Variants in LGSN observed in about 807,000 individuals in gnomAD.
The protein encoded by LGSN is lengsin, lens protein with glutamine synthetase domain.
Under a neutral mutation model 19.5 loss-of-function variants are expected in LGSN, and 21 were observed. The ratio of observed to expected loss-of-function variants is 1.07; its 90% CI spans 0.76 to 1.55. The LOEUF (loss-of-function observed/expected upper bound fraction) is 1.55, where lower values mean the gene tolerates loss of function less well. Among genes scored for constraint, LGSN ranks in the 40% most tolerant of loss-of-function variants. The pLI is 0.00. For synonymous variants in LGSN, 257 were observed against 215.6 expected, an observed-to-expected ratio of 1.19 and a Z score of -1.68; for missense variants, 673 against 608.5, an observed-to-expected ratio of 1.11 and a Z score of -1.12.
chr6:63,572,245 C>T, the LGSN span: 109 of 171,668 alleles, frequency 6.3e-4, no homozygotes, highest in African/African-American at 2.0e-3. Context: ...CTTCCTGCAT[C>T]CCGGAGCACT....
the LGSN span, among the ~76,000 whole-genome samples, chr6:63,504,206 G>A: frequency 4.2e-3 from 629 of 150,618 alleles, 4 homozygotes; most frequent in African/African-American, 0.015. Context: ...TGGCGATCTC[G>A]GCTCACTGAA....
At position 63,295,110 on chromosome 6, in the gene LGSN, G is replaced by A. The variant is rs182687196; in HGVS notation, c.31-65C>T. 5.5e-4 allele frequency: 819 copies of A among 1,476,918 alleles called. 9 individuals are homozygous for A. In the African/African-American group the frequency reaches 9.0e-3, roughly 16 times the overall value. The allele number at this position is 1,476,918 out of a possible 1,614,324, so 91.5% of individuals were successfully genotyped here. A position where few individuals can be genotyped will look rare whatever the true frequency, so the allele number is the denominator to read the frequency against. ...ATTCAAACAATGATATTTGGATGTC[G>A]AAAGAGTATATTTGAATAGCTCAAT... On this transcript the variant is annotated intron_variant, in intron 1 of 3. Transcript: ENST00000370657.
the LGSN span, chr6:63,550,543 C>T: frequency 1.3e-5 from 2 of 152,136 alleles, no homozygotes; most frequent in African/African-American, 2.4e-5. Context: ...AAGAGCTCCT[C>T]GAGCCTTGGT....
At chr6:63,490,164 G>C in the LGSN span, among the ~76,000 whole-genome samples, 3 of 152,314 alleles carry the variant, frequency 2.0e-5, no homozygotes, top group South Asian at 6.2e-4. Context: ...TTGGTTTGAA[G>C]TCTTTACACT....
intron 1 of LGSN, among the ~76,000 whole-genome samples, chr6:63,316,075 G>A (rs1241752372): frequency 6.6e-6 from 1 of 152,030 alleles, no homozygotes; most frequent in African/African-American, 2.4e-5. Context: ...ACATTTGTGG[G>A]GAGATTAGCC....
chr6:63,498,949 T>C, the LGSN span, among the ~76,000 whole-genome samples: 2 of 152,144 alleles, frequency 1.3e-5, no homozygotes, highest in Admixed American at 1.3e-4. Context: ...TATTAATGTA[T>C]TATTAGCACC....
intron 1 of LGSN, among the ~76,000 whole-genome samples, chr6:63,304,341 T>A (rs1003324731): frequency 2.0e-5 from 3 of 152,228 alleles, no homozygotes; most frequent in Admixed American, 6.5e-5. Flanking sequence ...TAGAAATGTA[T>A]CCCTTACAGT....
chr6:63,509,299 A>T, the LGSN span, among the ~76,000 whole-genome samples: 1 of 152,056 alleles, frequency 6.6e-6, no homozygotes, highest in African/African-American at 2.4e-5. Flanking sequence ...TCCTGACCTC[A>T]GGTGATCCGC....
chr6:63,530,066 G>A, the LGSN span, among the ~76,000 whole-genome samples: 156 of 152,114 alleles, frequency 1.0e-3, no homozygotes, highest in Non-Finnish European at 1.7e-3. Flanking sequence ...TCGAGATAGG[G>A]CAAGGATAAT....
chr6:63,409,171 C>T, the LGSN span, among the ~76,000 whole-genome samples: 2 of 152,102 alleles, frequency 1.3e-5, no homozygotes, highest in African/African-American at 2.4e-5. Flanking sequence ...CTTAGTCTCC[C>T]AAAGCACTGA....
the LGSN span, among the ~76,000 whole-genome samples, chr6:63,526,837 T>TATATATATA: frequency 4.7e-3 from 415 of 87,424 alleles, 2 homozygotes; most frequent in African/African-American, 0.017. Context: ...ATATATATAT[T>TATATATATA]TATTTATTTA....
the LGSN span, among the ~76,000 whole-genome samples, chr6:63,379,766 T>C: frequency 6.6e-6 from 1 of 152,210 alleles, no homozygotes; most frequent in Non-Finnish European, 1.5e-5. Context: ...TAGTTGTTTT[T>C]GTTTTTTTAC....
chr6:63,324,416 G>T (rs76064677), upstream of LGSN, among the ~76,000 whole-genome samples: 5,044 of 152,280 alleles, frequency 0.033, 282 homozygotes, highest in African/African-American at 0.12. Context: ...TCTGTTCTGT[G>T]ATTGTGTAAG....
chr6:63,293,577 T>C, intron 2 of LGSN: 1 of 337,756 alleles, frequency 3.0e-6, no homozygotes, highest in Non-Finnish European at 5.9e-6. Context: ...TCAACCAACA[T>C]TACATTCTCT....
chr6:63,529,240 A>T, the LGSN span, among the ~76,000 whole-genome samples: 1 of 149,874 alleles, frequency 6.7e-6, no homozygotes, highest in Non-Finnish European at 1.5e-5. Flanking sequence ...CAGAACTTTC[A>T]TATAATTTAG....
At position 63,279,863 on chromosome 6, in the gene LGSN, T is replaced by G; in HGVS notation, c.*158A>C. The G allele has an allele frequency of 1.5e-6, 1 of 663,984 alleles. No homozygotes were observed. The allele number at this position is 663,984 out of a possible 1,614,324, so 41.1% of individuals were successfully genotyped here. ...TCAGAATCTTCTCAGCAGTCCTACT[T>G]CATCTGTCAAATATTCCATGGACAA... On this transcript the variant is annotated 3_prime_UTR_variant, in exon 4 of 4. Transcript: ENST00000370657.
chr6:63,331,291 C>T, the LGSN span, among the ~76,000 whole-genome samples: 1 of 152,172 alleles, frequency 6.6e-6, no homozygotes, highest in Non-Finnish European at 1.5e-5. Context: ...AGGTATTTCA[C>T]TCCATTTGCC....
At chr6:63,301,428 G>T (rs190670818) in intron 1 of LGSN, among the ~76,000 whole-genome samples, 369 of 152,018 alleles carry the variant, frequency 2.4e-3, no homozygotes, top group Non-Finnish European at 3.5e-3. Context: ...TTATTTAAAG[G>T]TTCTTTCAAA....
At chr6:63,328,696 T>C in the LGSN span, among the ~76,000 whole-genome samples, 1 of 152,244 alleles carries the variant, frequency 6.6e-6, no homozygotes, top group African/African-American at 2.4e-5. Flanking sequence ...CTGTGACGTA[T>C]AAAGAGAAGT....
Sources: allele counts gnomAD v4.1 joint callset (sites outside exome capture counted in the v4.1 genomes callset), GRCh38; gene constraint gnomAD v4.1.1; transcripts MANE v1.5; gene names NCBI Gene and HGNC (gene_info 2026-07-23, HGNC 2026-07-21).